MCCC2: variants seen among roughly 807,000 people sequenced by gnomAD.
MCCC2 encodes the protein methylcrotonoyl-CoA carboxylase beta chain, mitochondrial.
A neutral mutation model predicts 77.2 loss-of-function variants in MCCC2; 52 were observed. That is an observed-to-expected ratio of 0.67 (90% CI 0.54 to 0.85). The LOEUF is 0.85. Ranked by LOEUF, MCCC2 falls within the 40% of genes least tolerant of loss-of-function variation. The pLI is 0.00. For synonymous variants in MCCC2, 253 were observed against 248.4 expected (o/e 1.02, Z -0.18); for missense variants, 682 against 703.2 (o/e 0.97, Z 0.34).
At chr5:71,625,756 A>G (rs1357959107) in intron 6 of MCCC2, among the ~76,000 whole-genome samples, 7 of 152,218 alleles carry the variant, frequency 4.6e-5, no homozygotes, top group Non-Finnish European at 7.3e-5. Context: ...GGCCATTTAG[A>G]TGGAAAAATG....
intron 5 of MCCC2, among the ~76,000 whole-genome samples, chr5:71,603,923 C>T (rs564775780): frequency 1.5e-4 from 23 of 152,260 alleles, no homozygotes; most frequent in African/African-American, 5.1e-4. Context: ...CTGCTTTGAA[C>T]GCAACTGACC....
chr5:71,652,560 G>C, intron 15 of MCCC2, 109 bp from the exon 16 acceptor site: 1 of 846,214 alleles, frequency 1.2e-6, no homozygotes, highest in Non-Finnish European at 2.0e-6. Context: ...GCACATGTTA[G>C]ATGTAACATT....
chr5:71,589,017 T>C (rs1046586283), intron 1 of MCCC2, among the ~76,000 whole-genome samples: 1 of 152,024 alleles, frequency 6.6e-6, no homozygotes, highest in African/African-American at 2.4e-5. Flanking sequence ...ATGTGGAGGA[T>C]GGATTGATAT....
chr5:71,631,127 G>C (rs534348038), intron 7 of MCCC2, among the ~76,000 whole-genome samples: 7 of 152,232 alleles, frequency 4.6e-5, no homozygotes, highest in Admixed American at 3.3e-4. Context: ...TGCAGAGTTT[G>C]TGATAGTAAA....
chr5:71,627,349 A>C (rs1387898334), intron 7 of MCCC2, among the ~76,000 whole-genome samples: 1 of 152,164 alleles, frequency 6.6e-6, no homozygotes, highest in Admixed American at 6.5e-5. Context: ...TTTTTTGGGT[A>C]TATACCTGGA....
rs1747640400 is a variant in MCCC2 at position 71,658,407 on chromosome 5, T to A, written c.*1547T>A. 6.6e-6 allele frequency: 1 copy of A among 152,222 alleles called. No individual in the cohort carries two copies. The highest frequency in any genetic ancestry group is 1.5e-5 in the Non-Finnish European group (1 of 68,044). 9.4% of individuals were successfully genotyped at this position (152,222 alleles called of 1,614,324 possible). ...GTGACCTCCCTGTGCTGGATTAGCT[T>A]CCCTACTCTATGCTCTTGTAAAACA... On this transcript the variant is annotated 3_prime_UTR_variant, in exon 17 of 17. Transcript: ENST00000340941.
chr5:71,643,625 A>G (rs777039465), intron 11 of MCCC2, 194 bp from the exon 12 acceptor site: 5 of 997,370 alleles, frequency 5.0e-6, no homozygotes, highest in Non-Finnish European at 7.3e-6. Flanking sequence ...CCTTTCTAGA[A>G]GCAAAAGAAA....
At chr5:71,621,766 G>A (rs1746355389) in intron 6 of MCCC2, among the ~76,000 whole-genome samples, 1 of 151,574 alleles carries the variant, frequency 6.6e-6, no homozygotes, top group South Asian at 2.1e-4. Context: ...GAGGTTGGGG[G>A]AATGTGAGGA....
intron 6 of MCCC2, among the ~76,000 whole-genome samples, chr5:71,606,794 G>A: frequency 8.2e-6 from 1 of 121,432 alleles, no homozygotes; most frequent in East Asian, 2.4e-4. Flanking sequence ...AAGGGTTGTT[G>A]AATTTTGTCA....
chr5:71,655,326 G>A (rs1407209446), intron 16 of MCCC2, among the ~76,000 whole-genome samples: 1 of 152,344 alleles, frequency 6.6e-6, no homozygotes, highest in African/African-American at 2.4e-5. Flanking sequence ...CAGAGACAGA[G>A]CTTGTTATTA....
chr5:71,650,654 T>C (rs1747413127), intron 15 of MCCC2, among the ~76,000 whole-genome samples: 1 of 151,020 alleles, frequency 6.6e-6, no homozygotes, highest in Non-Finnish European at 1.5e-5. Flanking sequence ...TATTTATTTA[T>C]TTATTTATTT....
At chr5:71,599,091 G>C (rs956308292) in intron 3 of MCCC2, among the ~76,000 whole-genome samples, 10 of 152,084 alleles carry the variant, frequency 6.6e-5, no homozygotes, top group African/African-American at 2.4e-4. Flanking sequence ...GTCTTGGCTG[G>C]GCGTGGTGGC....
intron 2 of MCCC2, among the ~76,000 whole-genome samples, chr5:71,595,646 C>T (rs1212272600): frequency 1.3e-5 from 2 of 152,064 alleles, no homozygotes; most frequent in Admixed American, 6.6e-5. Flanking sequence ...CTTGGTTTGC[C>T]GAGAGTGGGT....
intron 6 of MCCC2, 115 bp downstream of exon 6, chr5:71,604,583 T>A: frequency 2.0e-5 from 5 of 248,940 alleles, no homozygotes; most frequent in Non-Finnish European, 3.5e-5. Context: ...AAATCTAATC[T>A]TTTTTTTTTT....
rs180784303 is a variant in MCCC2, at chr5:71,590,097, G to T, written c.129+2543G>T. ...TTACTAGGTTGTAGAATGTTGTTTC[G>T]CAGGTGATTAAAACACACACACACA... On this transcript the variant is annotated intron_variant, in intron 1 of 16. Transcript: ENST00000340941. Among the ~76,000 whole-genome samples, 329 of 145,532 alleles carry T rather than the reference G, an allele frequency of 2.3e-3. 2 individuals are homozygous for T. The highest frequency in any genetic ancestry group is 7.9e-3 in the African/African-American group (317 of 39,996).
chr5:71,609,787 G>C (rs1274231151), intron 6 of MCCC2, among the ~76,000 whole-genome samples: 4 of 152,046 alleles, frequency 2.6e-5, no homozygotes, highest in Non-Finnish European at 5.9e-5. Context: ...CCTTCTAACA[G>C]ACAGGACCCT....
intron 12 of MCCC2, among the ~76,000 whole-genome samples, chr5:71,644,993 A>G (rs139509250): frequency 6.6e-5 from 10 of 152,226 alleles, no homozygotes; most frequent in Admixed American, 2.6e-4. Flanking sequence ...TTGATATGCT[A>G]TATATAGAGA....
Position 71,657,257 on chromosome 5 carries a change from T to G in MCCC2, c.*397T>G, listed in dbSNP as rs1345198365. On this transcript the variant is annotated 3_prime_UTR_variant, in exon 17 of 17. Transcript: ENST00000340941. Reference sequence around the variant, plus strand: ...TATGCTTGGTGATATTTTAGCGGGCTTATTTTTGAAAGGCATCTGTTACTT... The same window carrying G: ...TATGCTTGGTGATATTTTAGCGGGCGTATTTTTGAAAGGCATCTGTTACTT... 4.3e-6 allele frequency: 1 copy of G among 234,570 alleles called. No individual in the cohort carries two copies. The highest frequency in any genetic ancestry group is 8.5e-6 in the Non-Finnish European group (1 of 117,856). 14.5% of individuals were successfully genotyped at this position (234,570 alleles called of 1,614,324 possible).
chr5:71,618,531 TCC>T (rs1561835147), intron 6 of MCCC2, among the ~76,000 whole-genome samples: 359 of 61,102 alleles, frequency 5.9e-3, no homozygotes, highest in African/African-American at 0.016. Flanking sequence ...CTTCCTTCCT[TCC>T]TTCCTTCCTT....
Sources: gnomAD v4.1 joint callset for allele counts (sites outside exome capture counted in the v4.1 genomes callset) on GRCh38, gnomAD v4.1.1 for gene constraint, MANE v1.5 for transcripts, NCBI Gene and HGNC (gene_info 2026-07-23, HGNC 2026-07-21) for gene names.